The following PPP4R4 variants were observed in gnomAD, a reference collection of about 807,000 sequenced individuals.
The protein encoded by PPP4R4 is serine/threonine-protein phosphatase 4 regulatory subunit 4.
PPP4R4 carries 70 observed loss-of-function variants against 121.8 expected under a neutral mutation model. That is an observed-to-expected ratio of 0.57 (90% CI 0.47 to 0.70). PPP4R4 has a LOEUF of 0.70. Among genes scored for constraint, PPP4R4 ranks in the 30% least tolerant of loss-of-function variants. PPP4R4 has a pLI of 0.00. For missense variants in PPP4R4, 875 were observed against 1,033.6 expected, an observed-to-expected ratio of 0.85 and a Z score of 2.10; for synonymous variants, 348 against 355.7, an observed-to-expected ratio of 0.98 and a Z score of 0.24.
At chr14:94,211,245 A>G (rs1212139694) in intron 3 of PPP4R4, among the ~76,000 whole-genome samples, 3 of 152,190 alleles carry the variant, frequency 2.0e-5, no homozygotes, top group Admixed American at 1.3e-4. Context: ...GACATTAAAC[A>G]AGTAAATCCC....
In PPP4R4 at chr14:94,196,999, G is replaced by T. The variant is rs541277184; in HGVS notation, c.192-11465G>T. Among the ~76,000 whole-genome samples, 8 of 152,154 alleles carry T rather than the reference G, an allele frequency of 5.3e-5. No homozygotes were observed. In the South Asian group the frequency reaches 8.3e-4, roughly 16 times the overall value. ...AATTAGTTTTCATAAACCTTAGGAGGTGTGGTTCAGGATAGCTTTTCTAAT... is the reference window on the plus strand; with the variant it reads ...AATTAGTTTTCATAAACCTTAGGAGTTGTGGTTCAGGATAGCTTTTCTAAT... On this transcript the variant is annotated intron_variant, in intron 2 of 24. Transcript: ENST00000304338.
chr14:94,223,834 A>G (rs574607691), intron 3 of PPP4R4, among the ~76,000 whole-genome samples: 3 of 152,008 alleles, frequency 2.0e-5, no homozygotes, highest in Non-Finnish European at 4.4e-5. Flanking sequence ...CAACATTTCT[A>G]TTTATATACC....
intron 2 of PPP4R4, among the ~76,000 whole-genome samples, chr14:94,188,546 G>C (rs1366857485): frequency 6.6e-6 from 1 of 151,968 alleles, no homozygotes; most frequent in Non-Finnish European, 1.5e-5. Context: ...TCTTGACAGG[G>C]ATATGTCTAT....
At chr14:94,174,706 G>C (rs2139360855) in intron 1 of PPP4R4, 124 bp downstream of exon 1, 5 of 1,440,628 alleles carry the variant, frequency 3.5e-6, no homozygotes, top group Non-Finnish European at 4.6e-6. Context: ...CCTCTCAGTC[G>C]GGCCGGCCCC....
At chr14:94,182,159 T>C (rs761030862) in intron 2 of PPP4R4, among the ~76,000 whole-genome samples, 19 of 152,232 alleles carry the variant, frequency 1.2e-4, no homozygotes, top group Non-Finnish European at 2.4e-4. Context: ...TGTCTCTCTG[T>C]TGTATTTGTT....
intron 3 of PPP4R4, among the ~76,000 whole-genome samples, chr14:94,230,146 A>G (rs1891935812): frequency 6.6e-6 from 1 of 152,174 alleles, no homozygotes; most frequent in African/African-American, 2.4e-5. Context: ...ATTCTTTTTT[A>G]TAGTAGAATG....
rs1289132807 is a variant in PPP4R4, at chr14:94,246,540, G to A, written c.1611+1G>A. The stretch of plus-strand genomic sequence containing the variant: ...AATGTTCACAATCATGATGACAAAT[G>A]TGAGCTCAGTACCTTTCATCTTATT... On this transcript the variant is annotated splice_donor_variant, in intron 14 of 24. Transcript: ENST00000304338. LOFTEE classifies it high-confidence loss of function. 6.2e-7 allele frequency: 1 copy of A among 1,608,820 alleles called. No homozygotes were observed. Among genetic ancestry groups the A allele is most frequent in the South Asian group, 1.1e-5 (1 of 90,470 alleles).
At chr14:94,242,982 A>G (rs1892711935) in intron 11 of PPP4R4, among the ~76,000 whole-genome samples, 1 of 152,166 alleles carries the variant, frequency 6.6e-6, no homozygotes, top group Non-Finnish European at 1.5e-5. Context: ...CGTGGTTGCA[A>G]TAAATACGGA....
intron 15 of PPP4R4, among the ~76,000 whole-genome samples, 159 bp downstream of exon 15, chr14:94,250,436 G>T (rs915788511): frequency 6.6e-6 from 1 of 151,956 alleles, no homozygotes; most frequent in Non-Finnish European, 1.5e-5. Flanking sequence ...GGCAAGATTA[G>T]ATCTGTGATG....
intron 19 of PPP4R4, among the ~76,000 whole-genome samples, chr14:94,263,262 C>T (rs1357086108): frequency 6.6e-6 from 1 of 151,872 alleles, no homozygotes; most frequent in African/African-American, 2.4e-5. Context: ...TATATTAGAT[C>T]GTTTATTATT....
chr14:94,244,516 TATAAC>T (rs1892789349), intron 11 of PPP4R4, 114 bp from the exon 12 acceptor site: 1 of 827,660 alleles, frequency 1.2e-6, no homozygotes, highest in Admixed American at 4.0e-5. Context: ...ATATTTGTGT[TATAAC>T]ATGGCTTTAT....
intron 16 of PPP4R4, among the ~76,000 whole-genome samples, chr14:94,255,796 A>G (rs1232696545): frequency 3.9e-5 from 6 of 152,222 alleles, no homozygotes; most frequent in South Asian, 4.1e-4. Flanking sequence ...AAACATTGTC[A>G]GATCATTTCA....
At chr14:94,254,504 A>G (rs1893361696) in intron 16 of PPP4R4, among the ~76,000 whole-genome samples, 1 of 152,194 alleles carries the variant, frequency 6.6e-6, no homozygotes, top group South Asian at 2.1e-4. Flanking sequence ...GCTATTTACA[A>G]TGCTGGAAAT....
intron 5 of PPP4R4, among the ~76,000 whole-genome samples, chr14:94,231,674 T>G (rs1892046043): frequency 6.6e-6 from 1 of 152,282 alleles, no homozygotes; most frequent in South Asian, 2.1e-4. Flanking sequence ...TGCAGAATAT[T>G]TTACTTGTGA....
chr14:94,275,672 CTGTT>C (rs1404511321), intron 24 of PPP4R4, 151 bp downstream of exon 24: 1 of 871,870 alleles, frequency 1.1e-6, no homozygotes, highest in African/African-American at 1.7e-5. Context: ...ACATGTGACT[CTGTT>C]ATGTTAGTTT....
At chr14:94,226,177 T>C (rs1891686895) in intron 3 of PPP4R4, among the ~76,000 whole-genome samples, 1 of 152,198 alleles carries the variant, frequency 6.6e-6, no homozygotes, top group African/African-American at 2.4e-5. Flanking sequence ...GAAGGCTCAG[T>C]TGCAAAACTA....
intron 16 of PPP4R4, among the ~76,000 whole-genome samples, chr14:94,255,078 T>C (rs910824248): frequency 6.6e-6 from 1 of 152,228 alleles, no homozygotes; most frequent in Non-Finnish European, 1.5e-5. Context: ...AGCCAACTTA[T>C]TGAGCCTGTT....
intron 2 of PPP4R4, among the ~76,000 whole-genome samples, chr14:94,188,942 G>A (rs1435121430): frequency 6.6e-5 from 10 of 151,960 alleles, no homozygotes. Context: ...TGTCAGTTAT[G>A]CCTCAATAAA....
At chr14:94,200,917 C>T (rs1469884803) in intron 2 of PPP4R4, among the ~76,000 whole-genome samples, 1 of 151,806 alleles carries the variant, frequency 6.6e-6, no homozygotes, top group African/African-American at 2.4e-5. Flanking sequence ...GGTGCGACCT[C>T]AGCTAGTCTA....
Sources: allele counts gnomAD v4.1 joint callset (sites outside exome capture counted in the v4.1 genomes callset), GRCh38; gene constraint gnomAD v4.1.1; transcripts MANE v1.5; gene names NCBI Gene and HGNC (gene_info 2026-07-23, HGNC 2026-07-21).